The following TLN2 variants were observed in gnomAD, a reference collection of about 807,000 sequenced individuals.
TLN2 encodes the protein talin 2.
In TLN2, 118 loss-of-function variants were observed where a neutral mutation model predicts 294.7. That is an observed-to-expected ratio of 0.40 (90% CI 0.34 to 0.47). The LOEUF (loss-of-function observed/expected upper bound fraction) is 0.47. Ranked by LOEUF, TLN2 falls within the 20% of genes least tolerant of loss-of-function variation. TLN2 has a pLI of 0.84. For synonymous variants in TLN2, 1,431 were observed against 1,304.5 expected (o/e 1.10, Z -2.09); for missense variants, 3,083 against 3,282.2 (o/e 0.94, Z 1.48).
intron 21 of TLN2, among the ~76,000 whole-genome samples, chr15:62,709,382 C>T (rs2059277269): frequency 6.6e-6 from 1 of 152,142 alleles, no homozygotes; most frequent in African/African-American, 2.4e-5. Context: ...GTACCTGGCC[C>T]TGGGGTGATC....
intron 1 of TLN2, among the ~76,000 whole-genome samples, chr15:62,527,814 C>T (rs548430284): frequency 1.3e-5 from 2 of 152,104 alleles, no homozygotes; most frequent in Admixed American, 1.3e-4. Context: ...ACAAGATGAC[C>T]ATTACTGAAA....
At chr15:62,491,347 TATATACAC>T (rs1403025803) in intron 1 of TLN2, among the ~76,000 whole-genome samples, 2,176 of 82,160 alleles carry the variant, frequency 0.026, 33 homozygotes, top group African/African-American at 0.073. Flanking sequence ...AATATATATA[TATATACAC>T]ACACACACAC....
At chr15:62,539,178 G>A (rs1343371782) in intron 1 of TLN2, among the ~76,000 whole-genome samples, 1 of 152,180 alleles carries the variant, frequency 6.6e-6, no homozygotes, top group Non-Finnish European at 1.5e-5. Context: ...GGGAGCTTAA[G>A]CAATGAAAAT....
intron 1 of TLN2, among the ~76,000 whole-genome samples, chr15:62,433,533 G>C (rs1052018124): frequency 6.6e-6 from 1 of 152,114 alleles, no homozygotes; most frequent in African/African-American, 2.4e-5. Flanking sequence ...TAGTCCTCTT[G>C]ACTATGGACT....
intron 1 of TLN2, among the ~76,000 whole-genome samples, chr15:62,449,942 C>G (rs553016673): frequency 2.0e-5 from 3 of 152,290 alleles, no homozygotes; most frequent in Admixed American, 2.0e-4. Flanking sequence ...TTCCTTCTTG[C>G]TGTTTCTTGT....
intron 41 of TLN2, among the ~76,000 whole-genome samples, chr15:62,768,587 C>G (rs541697939): frequency 6.6e-6 from 1 of 152,318 alleles, no homozygotes; most frequent in African/African-American, 2.4e-5. Flanking sequence ...GGCCACCATT[C>G]AGTCCACCGT....
intron 34 of TLN2, among the ~76,000 whole-genome samples, 193 bp downstream of exon 34, chr15:62,750,684 T>G (rs1242934823): frequency 2.6e-5 from 4 of 152,202 alleles, no homozygotes; most frequent in Non-Finnish European, 4.4e-5. Context: ...CCTGGAGGGC[T>G]TGTTAAATAC....
chr15:62,766,371 C>T lies in TLN2; in HGVS notation c.5145C>T (p.Ile1715=), dbSNP rs201384963. Residue 1715 remains isoleucine, a synonymous_variant, in exon 41 of 59, where the codon ATC becomes ATT. Transcript: ENST00000636159. ...TGGTCCAGGAAATCGGACACCTTAT[C>T]GATCCCATCGCCACAGCGGCTCGGG... ...TSVVQEIGHL[I]DPIATAARGE... 1.9e-5 allele frequency: 31 copies of T among 1,613,098 alleles called. No homozygotes were observed. The highest frequency in any genetic ancestry group is 2.2e-5 in the East Asian group (1 of 44,860).
rs78723378 is a variant in TLN2, at chr15:62,727,176, C to G, written c.3345C>G (p.Asn1115Lys). 10 of 1,614,018 alleles carry G rather than the reference C, an allele frequency of 6.2e-6. No individual in the cohort carries two copies. Among genetic ancestry groups the G allele is most frequent in the Admixed American group, 1.7e-5 (1 of 59,998 alleles). The change falls in exon 28 of 59, where the codon AAC (asparagine) becomes AAG (lysine). Residue 1115 changes from asparagine (N) to lysine (K), a missense_variant. Physicochemically the swap from Asn to Lys is moderately conservative, Grantham distance 94 (BLOSUM62 0). Coordinates refer to ENST00000636159, the MANE Select transcript of TLN2 (RefSeq NM_015059.3). ...AQLLTCAAQG[N>K]EHYTGVAARE... ...TGCTGACCTGTGCTGCTCAAGGCAA[C>G]GAACACTACACAGGTGAGACCCACG...
At position 62,704,683 on chromosome 15, in the gene TLN2, C is replaced by A. The variant is rs969809688; in HGVS notation, c.2004+1819C>A. Among the ~76,000 whole-genome samples the A allele has an allele frequency of 3.3e-5, 5 of 152,174 alleles. No individual in the cohort carries two copies. The East Asian group carries it at 9.6e-4, about 29-fold the overall frequency. On this transcript the variant is annotated intron_variant, in intron 19 of 58. Coordinates refer to ENST00000636159, the MANE Select transcript of TLN2 (RefSeq NM_015059.3). Reference sequence around the variant, plus strand: ...TGGGTGGTAGGAATATTCCTGGAAGCCATTTCTACACTGAGATGGCTGGTC... The same window carrying A: ...TGGGTGGTAGGAATATTCCTGGAAGACATTTCTACACTGAGATGGCTGGTC...
chr15:62,540,130 A>G (rs927471647), intron 1 of TLN2, among the ~76,000 whole-genome samples: 2 of 152,132 alleles, frequency 1.3e-5, no homozygotes, highest in African/African-American at 4.8e-5. Context: ...ACCTGAGGTC[A>G]GGAGTTCGAG....
At chr15:62,649,290 AT>A (rs200316997) in intron 4 of TLN2, among the ~76,000 whole-genome samples, 26 of 127,350 alleles carry the variant, frequency 2.0e-4, no homozygotes, top group Non-Finnish European at 1.9e-4. Flanking sequence ...TTTCTGTCGG[AT>A]TTTTTTTTTG....
intron 1 of TLN2, among the ~76,000 whole-genome samples, chr15:62,584,444 C>T (rs557876260): frequency 3.3e-5 from 5 of 152,316 alleles, no homozygotes; most frequent in South Asian, 2.1e-4. Flanking sequence ...AAAAAGGCAA[C>T]GTAGCATATT....
intron 1 of TLN2, among the ~76,000 whole-genome samples, chr15:62,512,244 T>C (rs1367422291): frequency 6.6e-6 from 1 of 152,180 alleles, no homozygotes; most frequent in Non-Finnish European, 1.5e-5. Flanking sequence ...TGTTAGTCTT[T>C]TAATGGTGAA....
At chr15:62,538,843 TA>T in intron 1 of TLN2, among the ~76,000 whole-genome samples, 1 of 152,152 alleles carries the variant, frequency 6.6e-6, no homozygotes, top group Non-Finnish European at 1.5e-5. Context: ...TGGAATGCTT[TA>T]AAAAAATGTA....
intron 1 of TLN2, among the ~76,000 whole-genome samples, chr15:62,546,748 A>G (rs534488716): frequency 2.8e-4 from 42 of 152,320 alleles, no homozygotes; most frequent in Non-Finnish European, 5.0e-4. Context: ...CTTTAGAGCA[A>G]GGGGAGCTTT....
chr15:62,597,122 C>T (rs942356893), intron 2 of TLN2, among the ~76,000 whole-genome samples: 1 of 152,172 alleles, frequency 6.6e-6, no homozygotes, highest in African/African-American at 2.4e-5. Context: ...TCAGATGACA[C>T]AGGCAGCCAG....
Position 62,763,524 on chromosome 15 carries a change from C to G in TLN2, c.4962-39C>G, listed in dbSNP as rs762040873. On this transcript the variant is annotated intron_variant, in intron 39 of 58. Coordinates refer to ENST00000636159, the MANE Select transcript of TLN2 (RefSeq NM_015059.3). ...CTGGAGCAGGCTGTGGGACTTGAGCCCCATGGAGCCTGTGTCCAACTTGCA... is the reference window on the plus strand; with the variant it reads ...CTGGAGCAGGCTGTGGGACTTGAGCGCCATGGAGCCTGTGTCCAACTTGCA... The G allele has an allele frequency of 1.9e-6, 3 of 1,570,892 alleles. No individual in the cohort carries two copies. In the African/African-American group the frequency reaches 4.0e-5, roughly 21 times the overall value.
chr15:62,497,486 C>T (rs1433470677), intron 1 of TLN2, among the ~76,000 whole-genome samples: 3 of 152,182 alleles, frequency 2.0e-5, no homozygotes, highest in African/African-American at 7.2e-5. Flanking sequence ...TGCTCCTTGC[C>T]CTCCAATGGC....
Sources: allele counts gnomAD v4.1 joint callset (sites outside exome capture counted in the v4.1 genomes callset), GRCh38; gene constraint gnomAD v4.1.1; transcripts MANE v1.5; gene names NCBI Gene and HGNC (gene_info 2026-07-23, HGNC 2026-07-21).